The following TOX2 variants were observed in gnomAD, a reference collection of about 807,000 sequenced individuals.
TOX2 encodes granulosa cell HMG box 1.
TOX2 carries 15 observed loss-of-function variants against 47.4 expected under a neutral mutation model. That is an observed-to-expected ratio of 0.32 (90% CI 0.21 to 0.49). The LOEUF is 0.49. Ranked by LOEUF, TOX2 falls within the 20% of genes least tolerant of loss-of-function variation. The probability of loss-of-function intolerance (pLI) is 0.99; values close to 1 mark genes in which losing one functional copy is unlikely to be tolerated. For synonymous variants in TOX2, 290 were observed against 296.6 expected (o/e 0.98, Z 0.23); for missense variants, 622 against 673.1 (o/e 0.92, Z 0.84).
At chr20:44,066,167 G>A in intron 7 of TOX2, 60 bp downstream of exon 7, 1 of 1,461,558 alleles carries the variant, frequency 6.8e-7, no homozygotes, top group African/African-American at 1.4e-5. Context: ...AAGCGGCTTT[G>A]CCCTTTCAAA....
At chr20:43,973,912 A>G (rs2070024204) in intron 2 of TOX2, among the ~76,000 whole-genome samples, 1 of 152,186 alleles carries the variant, frequency 6.6e-6, no homozygotes, top group African/African-American at 2.4e-5. Context: ...AGAGAGCAGA[A>G]GGTCTTACTG....
chr20:43,993,536 G>C (rs2145558198), intron 2 of TOX2, among the ~76,000 whole-genome samples: 1 of 152,218 alleles, frequency 6.6e-6, no homozygotes, highest in Admixed American at 6.5e-5. Context: ...AATACTGAGG[G>C]GGAAATGGAC....
chr20:43,971,059 G>A (rs1244462686), intron 1 of TOX2, among the ~76,000 whole-genome samples: 1 of 152,198 alleles, frequency 6.6e-6, no homozygotes, highest in Admixed American at 6.5e-5. Flanking sequence ...GTGCTGGGGA[G>A]GCTCTTTGGT....
At chr20:44,045,038 T>A (rs1464082248) in intron 3 of TOX2, among the ~76,000 whole-genome samples, 1 of 152,164 alleles carries the variant, frequency 6.6e-6, no homozygotes, top group African/African-American at 2.4e-5. Flanking sequence ...TGATTCCACT[T>A]GTTTGAGGTA....
chr20:44,009,296 T>C (rs1305630465), intron 3 of TOX2, among the ~76,000 whole-genome samples: 1 of 152,218 alleles, frequency 6.6e-6, no homozygotes, highest in Non-Finnish European at 1.5e-5. Context: ...CGTCACATTT[T>C]TTTGTTTGTT....
At chr20:44,057,855 C>T (rs1377616349) in intron 5 of TOX2, among the ~76,000 whole-genome samples, 3 of 152,344 alleles carry the variant, frequency 2.0e-5, no homozygotes, top group African/African-American at 7.2e-5. Context: ...GGCATCTCTG[C>T]TTCTGGGAGT....
At chr20:43,998,216 G>T (rs2070511981) in intron 2 of TOX2, among the ~76,000 whole-genome samples, 1 of 152,194 alleles carries the variant, frequency 6.6e-6, no homozygotes, top group African/African-American at 2.4e-5. Context: ...CAGCAAGGGG[G>T]AAATCAGCCC....
At chr20:44,065,671 C>T (rs1167524907) in intron 6 of TOX2, 41 bp from the exon 7 acceptor site, 1 of 1,540,448 alleles carries the variant, frequency 6.5e-7, no homozygotes, top group Admixed American at 1.9e-5. Context: ...CTGGCTCATC[C>T]CTCTTCTGTT....
chr20:43,964,356 C>T (rs1413654036), intron 1 of TOX2, among the ~76,000 whole-genome samples: 6 of 152,208 alleles, frequency 3.9e-5, no homozygotes, highest in Non-Finnish European at 8.8e-5. Context: ...ATGTGTATTT[C>T]CCCATGAGAC....
intron 5 of TOX2, among the ~76,000 whole-genome samples, chr20:44,055,301 C>T (rs1001472226): frequency 6.6e-6 from 1 of 152,154 alleles, no homozygotes; most frequent in South Asian, 2.1e-4. Flanking sequence ...GTGATTGTGC[C>T]GTGTACCAGG....
intron 2 of TOX2, among the ~76,000 whole-genome samples, chr20:44,004,207 T>C (rs2070637839): frequency 6.6e-6 from 1 of 152,108 alleles, no homozygotes; most frequent in Non-Finnish European, 1.5e-5. Context: ...GGAAGGGGTA[T>C]TATGATCAAC....
chr20:44,055,969 C>T (rs890926120), intron 5 of TOX2, among the ~76,000 whole-genome samples: 2 of 152,148 alleles, frequency 1.3e-5, no homozygotes, highest in African/African-American at 4.8e-5. Context: ...ATGATCCCCA[C>T]CTCTGGTAGG....
rs2071892407 is a variant in TOX2, at chr20:44,069,095, T to TG, written c.*410dup. 2.1e-5 allele frequency: 8 copies of TG among 373,222 alleles called. No individual in the cohort carries two copies. The highest frequency in any genetic ancestry group is 4.2e-5 in the Non-Finnish European group (8 of 191,418). The allele number at this position is 373,222 out of a possible 1,614,324, so 23.1% of individuals were successfully genotyped here. ...AGAGGGCCGGCCCCCGGCATAGATGTGCACATCGGTTTTCCAGTGTGAACA... is the reference window on the plus strand; with the variant it reads ...AGAGGGCCGGCCCCCGGCATAGATGTGGCACATCGGTTTTCCAGTGTGAACA... On this transcript the variant is annotated 3_prime_UTR_variant, in exon 9 of 9. Coordinates refer to ENST00000341197, the MANE Select transcript of TOX2 (RefSeq NM_001098797.2).
chr20:43,977,222 C>T (rs189251195), intron 2 of TOX2, among the ~76,000 whole-genome samples: 122 of 152,302 alleles, frequency 8.0e-4, no homozygotes, highest in Middle Eastern at 3.4e-3. Flanking sequence ...CCAGCCTCAG[C>T]CTCCCGAGTA....
At chr20:44,043,995 C>T (rs2071374767) in intron 3 of TOX2, among the ~76,000 whole-genome samples, 1 of 152,188 alleles carries the variant, frequency 6.6e-6, no homozygotes, top group African/African-American at 2.4e-5. Flanking sequence ...TACTGCGGCA[C>T]TATTCACAGT....
chr20:43,998,411 T>C (rs2070515675), intron 2 of TOX2, among the ~76,000 whole-genome samples: 1 of 152,234 alleles, frequency 6.6e-6, no homozygotes, highest in Admixed American at 6.5e-5. Context: ...GGTTATATTT[T>C]GTAAGTGTTC....
intron 3 of TOX2, among the ~76,000 whole-genome samples, chr20:44,010,133 G>A (rs1457175831): frequency 6.6e-6 from 1 of 152,182 alleles, no homozygotes; most frequent in African/African-American, 2.4e-5. Flanking sequence ...GTAACTGAAT[G>A]GCAGTGTTTT....
intron 1 of TOX2, among the ~76,000 whole-genome samples, chr20:43,936,032 C>T (rs958453140): frequency 6.6e-6 from 1 of 151,806 alleles, no homozygotes; most frequent in African/African-American, 2.4e-5. Flanking sequence ...TTCTTGCATG[C>T]ACAGGGGTCT....
Position 44,068,808 on chromosome 20 carries a change from C to T in TOX2, c.*122C>T, listed in dbSNP as rs747959244. ...GCCCATCGGAGAGAGCAGTGACACA[C>T]CCATTGCCCGGGGGCTGAGTCTCTT... On this transcript the variant is annotated 3_prime_UTR_variant, in exon 9 of 9. Coordinates refer to ENST00000341197, the MANE Select transcript of TOX2 (RefSeq NM_001098797.2). The T allele has an allele frequency of 6.7e-6, 9 of 1,336,708 alleles. No homozygotes were observed. In the East Asian group the frequency reaches 1.7e-4, roughly 26 times the overall value. The allele number at this position is 1,336,708 out of a possible 1,614,324, so 82.8% of individuals were successfully genotyped here.
Sources: allele counts gnomAD v4.1 joint callset (sites outside exome capture counted in the v4.1 genomes callset), GRCh38; gene constraint gnomAD v4.1.1; transcripts MANE v1.5; gene names NCBI Gene and HGNC (gene_info 2026-07-23, HGNC 2026-07-21).